The following KCNH8 variants were observed in gnomAD, a reference collection of about 807,000 sequenced individuals.
The protein encoded by KCNH8 is voltage-gated delayed rectifier potassium channel KCNH8.
A neutral mutation model predicts 103.6 loss-of-function variants in KCNH8; 70 were observed. The ratio of observed to expected loss-of-function variants is 0.68; its 90% CI spans 0.56 to 0.82. The LOEUF is 0.82. Ranked by LOEUF, KCNH8 falls within the 40% of genes least tolerant of loss-of-function variation. KCNH8 has a pLI of 0.00. For missense variants in KCNH8, 1,217 were observed against 1,329.9 expected (o/e 0.92, Z 1.32); for synonymous variants, 498 against 489.4 (o/e 1.02, Z -0.23).
chr3:19,356,580 G>A (rs1247062399), intron 5 of KCNH8, among the ~76,000 whole-genome samples: 1 of 151,954 alleles, frequency 6.6e-6, no homozygotes, highest in Non-Finnish European at 1.5e-5. Context: ...GTTACCTTTA[G>A]TTTGAAAATC....
chr3:19,216,603 A>G lies in KCNH8; in HGVS notation c.77-37051A>G, dbSNP rs188097966. Among the ~76,000 whole-genome samples the G allele has an allele frequency of 2.4e-4, 37 of 152,282 alleles. 2 individuals are homozygous for G. The South Asian group carries it at 2.9e-3, about 12-fold the overall frequency. On this transcript the variant is annotated intron_variant, in intron 1 of 15. Transcript: ENST00000328405. The stretch of plus-strand genomic sequence containing the variant: ...TATAATCATAATTATTCCTCATACT[A>G]CTAAAATGTGTTAGAGTTTCCTTGC...
intron 11 of KCNH8, among the ~76,000 whole-genome samples, chr3:19,470,383 T>C (rs1245501902): frequency 6.6e-6 from 1 of 152,246 alleles, no homozygotes; most frequent in Non-Finnish European, 1.5e-5. Flanking sequence ...TTCCTCTTCA[T>C]TCTTCTCTCC....
chr3:19,492,098 T>G (rs1053341680), intron 11 of KCNH8, among the ~76,000 whole-genome samples: 1 of 152,052 alleles, frequency 6.6e-6, no homozygotes, highest in Admixed American at 6.6e-5. Context: ...GTATAGTTCA[T>G]AAATATTTTA....
chr3:19,407,144 C>T (rs974154059), intron 7 of KCNH8, among the ~76,000 whole-genome samples: 1 of 152,052 alleles, frequency 6.6e-6, no homozygotes, highest in Non-Finnish European at 1.5e-5. Context: ...TGCTTCTATT[C>T]TGAAGCCCAA....
intron 1 of KCNH8, among the ~76,000 whole-genome samples, chr3:19,200,289 A>G (rs1357992099): frequency 6.6e-6 from 1 of 152,072 alleles, no homozygotes; most frequent in African/African-American, 2.4e-5. Flanking sequence ...TTCAGACCGA[A>G]ACATAAGCAC....
Position 19,438,168 on chromosome 3 carries a change from GCT to G in KCNH8, c.1183_1184del (p.Leu395SerfsTer2). ...NSLLKWEVGW[L>X]HELGKRLESP... Reference sequence around the variant, plus strand: ...GCTTTATTTCCTCCTTTGCAGGTTGGCTTCATGAGTTGGGAAAGAGACTGGAA... The same window carrying G: ...GCTTTATTTCCTCCTTTGCAGGTTGGTCATGAGTTGGGAAAGAGACTGGAA... On this transcript the variant is annotated frameshift_variant, in exon 8 of 16. Transcript: ENST00000328405. LOFTEE classifies it high-confidence loss of function. 6.2e-7 allele frequency: 1 copy of G among 1,613,600 alleles called. No individual in the cohort carries two copies. The highest frequency in any genetic ancestry group is 8.5e-7 in the Non-Finnish European group (1 of 1,179,784).
intron 5 of KCNH8, among the ~76,000 whole-genome samples, chr3:19,374,813 C>G (rs1391923203): frequency 6.6e-6 from 1 of 152,112 alleles, no homozygotes; most frequent in Non-Finnish European, 1.5e-5. Context: ...GTGACAAAAT[C>G]TCTGAGCATT....
chr3:19,303,174 T>C (rs1459365684), intron 3 of KCNH8, among the ~76,000 whole-genome samples: 1 of 152,162 alleles, frequency 6.6e-6, no homozygotes, highest in African/African-American at 2.4e-5. Flanking sequence ...CTATTTACTA[T>C]ACAATATGGC....
At chr3:19,346,806 C>G in intron 4 of KCNH8, 1 of 413,854 alleles carries the variant, frequency 2.4e-6, no homozygotes, top group Middle Eastern at 3.5e-4. Context: ...TTTCCATTAC[C>G]TATCTTATAT....
chr3:19,360,058 A>C (rs1248138424), intron 5 of KCNH8, among the ~76,000 whole-genome samples: 1 of 152,066 alleles, frequency 6.6e-6, no homozygotes, highest in Non-Finnish European at 1.5e-5. Flanking sequence ...TTTAAAAAGC[A>C]TGAGCAAAAG....
intron 1 of KCNH8, among the ~76,000 whole-genome samples, chr3:19,214,811 G>A (rs1300053972): frequency 2.0e-5 from 3 of 152,138 alleles, no homozygotes; most frequent in African/African-American, 4.8e-5. Context: ...TCCAAATCTC[G>A]TGCTCTCTAA....
At chr3:19,316,657 G>A (rs2065278653) in intron 3 of KCNH8, among the ~76,000 whole-genome samples, 1 of 151,916 alleles carries the variant, frequency 6.6e-6, no homozygotes, top group South Asian at 2.1e-4. Context: ...GTTGTAATAG[G>A]AAGATTGTAT....
chr3:19,366,073 G>A lies in KCNH8; in HGVS notation c.811+18108G>A, dbSNP rs915432565. ...ATTACATTATCCTTCGAGCATTTTT[G>A]GTCAGTGAAGCTCTAGTTGAAATGC... On this transcript the variant is annotated intron_variant, in intron 5 of 15. Coordinates refer to ENST00000328405, the MANE Select transcript of KCNH8 (RefSeq NM_144633.3). Among the ~76,000 whole-genome samples, 9 of 151,986 alleles carry A rather than the reference G, an allele frequency of 5.9e-5. No individual in the cohort carries two copies. In the South Asian group the frequency reaches 6.2e-4, roughly 11 times the overall value.
At chr3:19,339,230 GA>G (rs2065625395) in intron 3 of KCNH8, among the ~76,000 whole-genome samples, 2 of 152,060 alleles carry the variant, frequency 1.3e-5, no homozygotes, top group African/African-American at 2.4e-5. Context: ...ATTTGATTTG[GA>G]AAATCTGTTA....
chr3:19,407,353 G>T (rs2066707700), intron 7 of KCNH8, among the ~76,000 whole-genome samples: 1 of 152,050 alleles, frequency 6.6e-6, no homozygotes, highest in Non-Finnish European at 1.5e-5. Context: ...CTGCTAGAGG[G>T]ATTTGGAGCC....
intron 11 of KCNH8, among the ~76,000 whole-genome samples, chr3:19,461,431 G>T (rs1371110333): frequency 6.6e-6 from 1 of 152,106 alleles, no homozygotes; most frequent in Non-Finnish European, 1.5e-5. Flanking sequence ...ATGGATTCCT[G>T]TTCTCTACCC....
intron 15 of KCNH8, among the ~76,000 whole-genome samples, chr3:19,524,217 C>T (rs1340599951): frequency 6.6e-6 from 1 of 151,862 alleles, no homozygotes; most frequent in South Asian, 2.1e-4. Context: ...ATTGTCAGGT[C>T]ATTCCAAGAT....
intron 2 of KCNH8, 91 bp from the exon 3 acceptor site, chr3:19,281,107 A>G: frequency 2.2e-6 from 3 of 1,371,696 alleles, no homozygotes; most frequent in Non-Finnish European, 2.0e-6. Flanking sequence ...AGAAAACACT[A>G]AGGGCTTTAT....
chr3:19,499,247 A>G (rs995164966), intron 11 of KCNH8, among the ~76,000 whole-genome samples: 1 of 152,198 alleles, frequency 6.6e-6, no homozygotes, highest in African/African-American at 2.4e-5. Flanking sequence ...AGAAAAAAGA[A>G]TAAAAAGAAA....
Sources: allele counts gnomAD v4.1 joint callset (sites outside exome capture counted in the v4.1 genomes callset), GRCh38; gene constraint gnomAD v4.1.1; transcripts MANE v1.5; gene names NCBI Gene and HGNC (gene_info 2026-07-23, HGNC 2026-07-21).